The following PKP2 variants were observed in gnomAD, a reference collection of about 807,000 sequenced individuals.
The protein encoded by PKP2 is plakophilin-2.
PKP2 carries 73 observed loss-of-function variants against 83.4 expected under a neutral mutation model. The observed-to-expected ratio is 0.88, with a 90% CI of 0.72 to 1.06. The LOEUF (loss-of-function observed/expected upper bound fraction) is 1.06. Among genes scored for constraint, PKP2 ranks in the 50% least tolerant of loss-of-function variants. The pLI is 0.00. For missense variants in PKP2, 966 were observed against 1,065.4 expected (o/e 0.91, Z 1.30); for synonymous variants, 409 against 430.4 (o/e 0.95, Z 0.62).
chr12:32,809,134 A>G (rs1051823802), intron 9 of PKP2, among the ~76,000 whole-genome samples: 8 of 152,164 alleles, frequency 5.3e-5, no homozygotes, highest in African/African-American at 1.7e-4. Context: ...CAGTTGACTG[A>G]ACCACAGAGA....
chr12:32,850,678 C>T (rs913297073), intron 5 of PKP2, 88 bp downstream of exon 5: 2 of 983,868 alleles, frequency 2.0e-6, no homozygotes, highest in East Asian at 2.5e-5. Context: ...CAATCATTTG[C>T]TCCAGGAAAC....
intron 5 of PKP2, among the ~76,000 whole-genome samples, chr12:32,848,185 C>T (rs1036047666): frequency 2.6e-5 from 4 of 152,112 alleles, no homozygotes; most frequent in African/African-American, 4.8e-5. Context: ...CACTTTGAGA[C>T]GCGGAGGCAG....
chr12:32,821,518 G>A lies in PKP2; in HGVS notation c.1851C>T (p.Asp617=), dbSNP rs752732048. 2.2e-5 allele frequency: 36 copies of A among 1,613,830 alleles called. No individual in the cohort carries two copies. The South Asian group carries it at 3.0e-4, about 13-fold the overall frequency. The part of the protein sequence containing the change: ...RSRKVKEQYQ[D]VPMPEEKSNP... ...TGCTCTTTTCCTCCGGCATCGGCAC[G>A]TCCTGGTATTGCTGACCACACACAA... The change falls in exon 9 of 13, where the codon GAC becomes GAT. Residue 617 remains aspartate, a synonymous_variant. Coordinates refer to ENST00000340811, the MANE Select transcript of PKP2 (RefSeq NM_001005242.3).
At chr12:32,810,473 C>T (rs1956266795) in intron 9 of PKP2, among the ~76,000 whole-genome samples, 1 of 152,130 alleles carries the variant, frequency 6.6e-6, no homozygotes, top group South Asian at 2.1e-4. Context: ...CTGTTTCAAG[C>T]AATGGCAACA....
intron 3 of PKP2, among the ~76,000 whole-genome samples, chr12:32,874,584 T>C (rs1956918136): frequency 6.6e-6 from 1 of 152,208 alleles, no homozygotes; most frequent in Non-Finnish European, 1.5e-5. Context: ...CTTGGAAATA[T>C]GATTAAATAT....
chr12:32,860,639 TTGA>T (rs1301233726), intron 4 of PKP2, among the ~76,000 whole-genome samples: 1 of 152,164 alleles, frequency 6.6e-6, no homozygotes, highest in Non-Finnish European at 1.5e-5. Context: ...AGATGACAGG[TTGA>T]TAGATGCAGC....
chr12:32,824,373 G>A, intron 6 of PKP2: 1 of 559,182 alleles, frequency 1.8e-6, no homozygotes, highest in Non-Finnish European at 3.2e-6. Context: ...ACACGTAATT[G>A]TGTCATAAGT....
At chr12:32,856,448 C>T (rs971562719) in intron 4 of PKP2, among the ~76,000 whole-genome samples, 9 of 151,840 alleles carry the variant, frequency 5.9e-5, no homozygotes, top group African/African-American at 2.2e-4. Flanking sequence ...ATTCCAAATA[C>T]TTTTAGAAGT....
intron 9 of PKP2, among the ~76,000 whole-genome samples, chr12:32,818,069 G>C (rs117501163): frequency 0.018 from 2,788 of 152,228 alleles, 42 homozygotes; most frequent in South Asian, 0.044. Flanking sequence ...TGAAAAAACT[G>C]TCTTCCATGA....
intron 3 of PKP2, among the ~76,000 whole-genome samples, chr12:32,876,924 A>G (rs1259063280): frequency 1.3e-5 from 2 of 152,240 alleles, no homozygotes; most frequent in African/African-American, 4.8e-5. Context: ...ATCATAAAAA[A>G]TATTTCCTGT....
intron 3 of PKP2, among the ~76,000 whole-genome samples, chr12:32,872,979 T>C (rs1048611520): frequency 6.6e-6 from 1 of 152,076 alleles, no homozygotes; most frequent in Non-Finnish European, 1.5e-5. Flanking sequence ...GGGAAGTCAA[T>C]ATGATCTGTT....
intron 9 of PKP2, among the ~76,000 whole-genome samples, chr12:32,807,304 A>G (rs1342096326): frequency 6.6e-6 from 1 of 151,940 alleles, no homozygotes; most frequent in Admixed American, 6.6e-5. Flanking sequence ...TCTTTTTTTG[A>G]TCTTTGCTGG....
chr12:32,841,021 G>A lies in PKP2; in HGVS notation c.1556+7C>T, dbSNP rs752585335. On this transcript the variant is annotated splice_region_variant and intron_variant, in intron 6 of 12. Coordinates refer to ENST00000340811, the MANE Select transcript of PKP2 (RefSeq NM_001005242.3). ...CTTCTATCAGGGCAGGGTACAGGTAGCATTACCTTAGGCATCCAGTGACGT... is the reference window on the plus strand; with the variant it reads ...CTTCTATCAGGGCAGGGTACAGGTAACATTACCTTAGGCATCCAGTGACGT... The A allele has an allele frequency of 3.7e-6, 6 of 1,609,654 alleles. No individual in the cohort carries two copies. In the Admixed American group the frequency reaches 8.3e-5, roughly 22 times the overall value.
chr12:32,826,680 T>C (rs1262344327), intron 6 of PKP2, among the ~76,000 whole-genome samples: 1 of 152,134 alleles, frequency 6.6e-6, no homozygotes, highest in East Asian at 1.9e-4. Context: ...TAAAACAATT[T>C]TTTACTTAGC....
intron 11 of PKP2, among the ~76,000 whole-genome samples, chr12:32,793,613 C>CTTTTTTTTTTTTTTTTTTTTT (rs35990527): frequency 2.6e-5 from 2 of 76,718 alleles, no homozygotes; most frequent in African/African-American, 5.8e-5. Flanking sequence ...TCATATTCTG[C>CTTTTTTTTTTTTTTTTTTTTT]TTTTTTTTTT....
intron 4 of PKP2, among the ~76,000 whole-genome samples, chr12:32,858,084 A>AATATATAT (rs869148477): frequency 3.0e-5 from 2 of 67,026 alleles, no homozygotes; most frequent in African/African-American, 1.6e-4. Flanking sequence ...AAAAAAAAAA[A>AATATATAT]ATATATATAT....
chr12:32,896,556 T>A lies in PKP2; in HGVS notation c.176A>T (p.Gln59Leu), dbSNP rs730880179. The change falls in exon 1 of 13, where the codon CAG becomes CTG. Residue 59 changes from glutamine (Q) to leucine (L), a missense_variant. Gln to Leu is a moderately radical substitution (Grantham distance 113). Coordinates refer to ENST00000340811, the MANE Select transcript of PKP2 (RefSeq NM_001005242.3). ...CTTCCGGGCGAGGGTCTGCTGCACC[T>A]GCTCCTGGATCCGCAGGCTCTTGAC... ...QTVKSLRIQE[Q>L]VQQTLARKGR... 69 of 1,587,900 alleles carry A rather than the reference T, an allele frequency of 4.3e-5. No homozygotes were observed. The highest frequency in any genetic ancestry group is 1.7e-6 in the Non-Finnish European group (2 of 1,175,082).
intron 11 of PKP2, among the ~76,000 whole-genome samples, chr12:32,793,953 CTTAGATCTCT>C (rs983269993): frequency 2.6e-5 from 4 of 152,118 alleles, no homozygotes; most frequent in African/African-American, 9.7e-5. Flanking sequence ...TCAGTGCCGC[CTTAGATCTCT>C]TTCTCTTCTA....
intron 9 of PKP2, among the ~76,000 whole-genome samples, chr12:32,809,370 A>G (rs1175588785): frequency 6.6e-6 from 1 of 152,084 alleles, no homozygotes; most frequent in East Asian, 1.9e-4. Context: ...GACTCTCTGG[A>G]GCTGGCAGGC....
Sources: allele counts gnomAD v4.1 joint callset (sites outside exome capture counted in the v4.1 genomes callset), GRCh38; gene constraint gnomAD v4.1.1; transcripts MANE v1.5; gene names NCBI Gene and HGNC (gene_info 2026-07-23, HGNC 2026-07-21).